The following AHCYL1 variants were observed in gnomAD, a reference collection of about 807,000 sequenced individuals.
AHCYL1 encodes adenosylhomocysteinase like 1.
A neutral mutation model predicts 79.3 loss-of-function variants in AHCYL1; 20 were observed. The observed-to-expected ratio is 0.25, with a 90% CI of 0.18 to 0.37. The LOEUF (loss-of-function observed/expected upper bound fraction) is 0.37. AHCYL1 is among the 10% of genes least tolerant of loss of function. The pLI is 1.00. For missense variants in AHCYL1, 330 were observed against 673.6 expected (o/e 0.49, Z 5.65); for synonymous variants, 223 against 242.2 (o/e 0.92, Z 0.74).
intron 2 of AHCYL1, among the ~76,000 whole-genome samples, chr1:110,010,529 C>G (rs1023501900): frequency 2.0e-4 from 31 of 152,206 alleles, no homozygotes; most frequent in African/African-American, 7.2e-4. Flanking sequence ...TTTCCCAGGG[C>G]TATCAGTAGA....
At chr1:109,992,805 G>A (rs1649835861) in intron 1 of AHCYL1, among the ~76,000 whole-genome samples, 1 of 152,146 alleles carries the variant, frequency 6.6e-6, no homozygotes, top group Non-Finnish European at 1.5e-5. Context: ...GGAAAATTCA[G>A]GAGCACAAAA....
Position 110,012,893 on chromosome 1 carries a change from A to G in AHCYL1, c.478-4A>G, listed in dbSNP as rs1159268883. On this transcript the variant is annotated splice_polypyrimidine_tract_variant and splice_region_variant and intron_variant, in intron 4 of 16. Coordinates refer to ENST00000369799, the MANE Select transcript of AHCYL1 (RefSeq NM_006621.7). ...TCACCCTGTCTTCCTACACTTCTACACAGGTGTTGATTGAGACACTCTGTG... is the reference window on the plus strand; with the variant it reads ...TCACCCTGTCTTCCTACACTTCTACGCAGGTGTTGATTGAGACACTCTGTG... The G allele has an allele frequency of 1.9e-6, 3 of 1,608,832 alleles. No homozygotes were observed. The highest frequency in any genetic ancestry group is 2.2e-5 in the East Asian group (1 of 44,736).
In AHCYL1 at chr1:110,021,724, T is replaced by G; in HGVS notation, c.*44T>G. 6.3e-7 allele frequency: 1 copy of G among 1,578,288 alleles called. No individual in the cohort carries two copies. Among genetic ancestry groups the G allele is most frequent in the South Asian group, 1.1e-5 (1 of 87,304 alleles). ...ACCAGTCCACCTGAACCACACACTC[T>G]AAAGAAATATTTTTTAAGATAACTT... On this transcript the variant is annotated 3_prime_UTR_variant, in exon 17 of 17. Transcript: ENST00000369799.
chr1:110,005,505 C>G (rs937259402), intron 1 of AHCYL1, among the ~76,000 whole-genome samples: 7 of 152,164 alleles, frequency 4.6e-5, no homozygotes, highest in African/African-American at 1.7e-4. Flanking sequence ...ATAGAACTTT[C>G]CTGGAGTAGC....
intron 1 of AHCYL1, among the ~76,000 whole-genome samples, chr1:109,989,157 C>G (rs1206025717): frequency 6.6e-6 from 1 of 152,116 alleles, no homozygotes; most frequent in Non-Finnish European, 1.5e-5. Context: ...TTGATTACAT[C>G]TCTTTTTCTT....
rs566491905 is a variant in AHCYL1, at chr1:110,000,045, G to T, written c.121-8989G>T. 1.1e-3 allele frequency among the ~76,000 whole-genome samples: 167 copies of T among 152,326 alleles called. 1 individual carries two copies. Among genetic ancestry groups the T allele is most frequent in the South Asian group, 5.2e-3 (25 of 4,830 alleles). On this transcript the variant is annotated intron_variant, in intron 1 of 16. Transcript: ENST00000369799. ...TTATCTGATTGTGCTAAGTGTTCAT[G>T]TGTGAAAGAAATATTCCTCCAGCAC...
intron 5 of AHCYL1, among the ~76,000 whole-genome samples, chr1:110,014,481 C>G (rs535416064): frequency 6.6e-5 from 10 of 152,192 alleles, no homozygotes; most frequent in Non-Finnish European, 1.3e-4. Context: ...CAGTTAACAA[C>G]TTTTATTAAT....
chr1:110,002,320 G>T (rs1016855162), intron 1 of AHCYL1, among the ~76,000 whole-genome samples: 1 of 152,208 alleles, frequency 6.6e-6, no homozygotes, highest in Non-Finnish European at 1.5e-5. Context: ...AGAACAAGGT[G>T]AGCCTGGTAT....
rs1315371059 is a variant in AHCYL1 at position 110,016,820 on chromosome 1, C to T, written c.963+90C>T. The T allele has an allele frequency of 2.0e-6, 3 of 1,468,386 alleles. No individual in the cohort carries two copies. In the African/African-American group the frequency reaches 4.2e-5, roughly 21 times the overall value. 91.0% of individuals were successfully genotyped at this position (1,468,386 alleles called of 1,614,324 possible). A position where few individuals can be genotyped will look rare whatever the true frequency, so the allele number is the denominator to read the frequency against. ...GGCTTGTGCTGTCAATCTAGAGTCA[C>T]TGATACAAGGTTTAAATTTTTTTAG... is the stretch of plus-strand genomic sequence containing the variant. On this transcript the variant is annotated intron_variant, in intron 9 of 16. Coordinates refer to ENST00000369799, the MANE Select transcript of AHCYL1 (RefSeq NM_006621.7).
At chr1:109,993,965 TA>T (rs1454568411) in intron 1 of AHCYL1, among the ~76,000 whole-genome samples, 1 of 152,230 alleles carries the variant, frequency 6.6e-6, no homozygotes, top group Non-Finnish European at 1.5e-5. Context: ...CTGAAAGTAA[TA>T]AACAACAGCT....
intron 11 of AHCYL1, 27 bp from the exon 12 acceptor site, chr1:110,018,346 T>G (rs753276860): frequency 6.2e-7 from 1 of 1,611,208 alleles, no homozygotes; most frequent in Non-Finnish European, 8.5e-7. Flanking sequence ...GGCATCTCTT[T>G]CCTTAACCAC....
chr1:110,000,177 A>T (rs1392310431), intron 1 of AHCYL1, among the ~76,000 whole-genome samples: 4 of 152,220 alleles, frequency 2.6e-5, no homozygotes, highest in African/African-American at 4.8e-5. Flanking sequence ...GAATTTCCCC[A>T]GTGACCAAAA....
chr1:109,990,904 ATTTTAGGTATGTAC>A (rs1649724414), intron 1 of AHCYL1, among the ~76,000 whole-genome samples: 1 of 152,154 alleles, frequency 6.6e-6, no homozygotes, highest in Admixed American at 6.5e-5. Flanking sequence ...TGACTTTATC[ATTTTAGGTATGTAC>A]TCCAGCACCC....
chr1:110,012,486 G>T, intron 4 of AHCYL1, 24 bp downstream of exon 4: 1 of 1,548,020 alleles, frequency 6.5e-7, no homozygotes, highest in South Asian at 1.2e-5. Flanking sequence ...AAGAAAAGAG[G>T]GACTTCTGAT....
chr1:110,013,799 TTTC>T (rs780524005), intron 5 of AHCYL1, among the ~76,000 whole-genome samples: 9 of 130,002 alleles, frequency 6.9e-5, no homozygotes, highest in East Asian at 4.6e-4. Context: ...CTCATCTTTC[TTTC>T]TTTTTTTTTT....
chr1:110,010,159 A>C (rs1650929541), intron 2 of AHCYL1, among the ~76,000 whole-genome samples: 1 of 152,262 alleles, frequency 6.6e-6, no homozygotes, highest in Non-Finnish European at 1.5e-5. Context: ...AGAACGATAA[A>C]ACGACTGAAG....
chr1:110,017,491 G>T lies in AHCYL1; in HGVS notation c.964-4G>T, dbSNP rs977032116. 2 of 1,613,848 alleles carry T rather than the reference G, an allele frequency of 1.2e-6. No individual in the cohort carries two copies. Among genetic ancestry groups the T allele is most frequent in the East Asian group, 4.5e-5 (2 of 44,876 alleles). ...AACGACTTGACCTTTCTTTTGTTCT[G>T]CAGGTAGGCAAGGGCTGCTGTGCTG... On this transcript the variant is annotated splice_polypyrimidine_tract_variant and splice_region_variant and intron_variant, in intron 9 of 16. Transcript: ENST00000369799.
chr1:109,988,692 A>G (rs1429146105), intron 1 of AHCYL1, among the ~76,000 whole-genome samples: 2 of 152,270 alleles, frequency 1.3e-5, no homozygotes, highest in Admixed American at 6.5e-5. Context: ...AGAGTGATCC[A>G]TTAAACATTT....
chr1:110,002,089 C>T (rs2101710304), intron 1 of AHCYL1, among the ~76,000 whole-genome samples: 1 of 152,190 alleles, frequency 6.6e-6, no homozygotes, highest in African/African-American at 2.4e-5. Flanking sequence ...GAAAATTAAA[C>T]TTTTTTTAAA....
Sources: allele counts gnomAD v4.1 joint callset (sites outside exome capture counted in the v4.1 genomes callset), GRCh38; gene constraint gnomAD v4.1.1; transcripts MANE v1.5; gene names NCBI Gene and HGNC (gene_info 2026-07-23, HGNC 2026-07-21).